Variants in SEMA3A observed in about 807,000 individuals in gnomAD.
SEMA3A encodes semaphorin-3A.
A neutral mutation model predicts 97.9 loss-of-function variants in SEMA3A; 29 were observed. The observed-to-expected ratio is 0.30, with a 90% CI of 0.22 to 0.40. The LOEUF (loss-of-function observed/expected upper bound fraction) is 0.40, where lower values mean the gene tolerates loss of function less well. SEMA3A is among the 10% of genes least tolerant of loss of function. The pLI is 1.00. For missense variants in SEMA3A, 763 were observed against 951.3 expected (o/e 0.80, Z 2.60); for synonymous variants, 321 against 323.7 (o/e 0.99, Z 0.09).
At chr7:84,108,191 T>C (rs1263635997) in intron 4 of SEMA3A, among the ~76,000 whole-genome samples, 1 of 152,142 alleles carries the variant, frequency 6.6e-6, no homozygotes, top group African/African-American at 2.4e-5. Context: ...TCCTTACAAA[T>C]TTCTAGCTTA....
intron 1 of SEMA3A, among the ~76,000 whole-genome samples, chr7:84,137,809 G>C (rs962633153): frequency 6.6e-6 from 1 of 151,170 alleles, no homozygotes; most frequent in Admixed American, 6.6e-5. Context: ...CAAATGCATA[G>C]AAACTACATA....
At chr7:84,047,972 C>T (rs556418560) in intron 5 of SEMA3A, among the ~76,000 whole-genome samples, 26 of 151,830 alleles carry the variant, frequency 1.7e-4, no homozygotes, top group Non-Finnish European at 3.2e-4. Flanking sequence ...TGGAGAAAAG[C>T]GACACAGAGA....
At chr7:84,239,368 T>C (rs928313535) in intron 3 of SEMA3A, among the ~76,000 whole-genome samples, 30 of 152,278 alleles carry the variant, frequency 2.0e-4, no homozygotes, top group African/African-American at 7.0e-4. Context: ...CCATGGGCAA[T>C]TGTACTCACT....
At chr7:84,055,710 C>T in intron 5 of SEMA3A, among the ~76,000 whole-genome samples, 1 of 152,228 alleles carries the variant, frequency 6.6e-6, no homozygotes, top group Non-Finnish European at 1.5e-5. Context: ...TGTTCCTATT[C>T]AGCCATCTTG....
chr7:84,477,249 C>G (rs1351697302), intron 1 of SEMA3A, among the ~76,000 whole-genome samples: 1 of 150,056 alleles, frequency 6.7e-6, no homozygotes, highest in Non-Finnish European at 1.5e-5. Context: ...CCAGCCTGTC[C>G]AATATGGTGA....
chr7:84,341,434 A>T (rs1370444515), intron 2 of SEMA3A, among the ~76,000 whole-genome samples: 1 of 151,950 alleles, frequency 6.6e-6, no homozygotes, highest in Non-Finnish European at 1.5e-5. Context: ...CATTAAGATA[A>T]TTTTTTTCTA....
At chr7:84,470,307 T>A (rs1337209172) in intron 1 of SEMA3A, among the ~76,000 whole-genome samples, 1 of 152,146 alleles carries the variant, frequency 6.6e-6, no homozygotes, top group Non-Finnish European at 1.5e-5. Flanking sequence ...AACCTCATTT[T>A]TATTTTCTAT....
chr7:84,281,972 C>A (rs1800449488), intron 3 of SEMA3A, among the ~76,000 whole-genome samples: 1 of 152,052 alleles, frequency 6.6e-6, no homozygotes, highest in Non-Finnish European at 1.5e-5. Flanking sequence ...ACAGAAATTG[C>A]CATTTATCTG....
intron 3 of SEMA3A, among the ~76,000 whole-genome samples, chr7:84,287,492 A>G (rs1800620729): frequency 6.6e-6 from 1 of 152,182 alleles, no homozygotes; most frequent in Non-Finnish European, 1.5e-5. Flanking sequence ...GATAAACTGT[A>G]TACCTCAGTC....
At chr7:84,282,894 A>T (rs1800479960) in intron 3 of SEMA3A, among the ~76,000 whole-genome samples, 1 of 151,976 alleles carries the variant, frequency 6.6e-6, no homozygotes, top group African/African-American at 2.4e-5. Flanking sequence ...GGCACCTGTA[A>T]TCCAGGCTAC....
chr7:84,444,969 G>T (rs1002053122), intron 1 of SEMA3A, among the ~76,000 whole-genome samples: 1 of 151,940 alleles, frequency 6.6e-6, no homozygotes, highest in East Asian at 1.9e-4. Flanking sequence ...GTTTGCTCTT[G>T]CTTCAATTTT....
At chr7:84,465,641 T>G (rs1307676400) in intron 1 of SEMA3A, among the ~76,000 whole-genome samples, 1 of 152,184 alleles carries the variant, frequency 6.6e-6, no homozygotes, top group Non-Finnish European at 1.5e-5. Flanking sequence ...AATAAAATAC[T>G]TGATTTATCT....
At chr7:83,980,478 G>A (rs1246905934) in intron 14 of SEMA3A, among the ~76,000 whole-genome samples, 5 of 150,670 alleles carry the variant, frequency 3.3e-5, no homozygotes, top group Non-Finnish European at 5.9e-5. Flanking sequence ...GGTGGTGCAC[G>A]CCTGTAGTCC....
At chr7:84,325,749 T>C (rs1286220879) in intron 2 of SEMA3A, among the ~76,000 whole-genome samples, 1 of 152,164 alleles carries the variant, frequency 6.6e-6, no homozygotes, top group Non-Finnish European at 1.5e-5. Flanking sequence ...AAAGATTGAA[T>C]ATATTCAAGG....
At chr7:84,132,659 G>GTTT in intron 2 of SEMA3A, among the ~76,000 whole-genome samples, 1 of 129,410 alleles carries the variant, frequency 7.7e-6, no homozygotes, top group Non-Finnish European at 1.6e-5. Flanking sequence ...TCATCGACTT[G>GTTT]GTGTTTTTTT....
chr7:84,317,007 T>C (rs181051391), intron 2 of SEMA3A, among the ~76,000 whole-genome samples: 11 of 152,228 alleles, frequency 7.2e-5, no homozygotes, highest in African/African-American at 2.4e-4. Context: ...AATTATACTA[T>C]TAGCTGGTAC....
intron 1 of SEMA3A, among the ~76,000 whole-genome samples, chr7:84,135,950 A>T (rs574240948): frequency 7.9e-5 from 12 of 152,190 alleles, no homozygotes; most frequent in Non-Finnish European, 1.6e-4. Flanking sequence ...TACTTTAGTG[A>T]CAGGAACACT....
At chr7:84,183,248 G>A (rs747904267) in intron 1 of SEMA3A, among the ~76,000 whole-genome samples, 2 of 152,158 alleles carry the variant, frequency 1.3e-5, no homozygotes, top group East Asian at 3.9e-4. Context: ...CCTAGAAAGC[G>A]TCAGAGCCTA....
chr7:84,356,904 T>C (rs1175644618), intron 2 of SEMA3A, among the ~76,000 whole-genome samples: 1 of 151,668 alleles, frequency 6.6e-6, no homozygotes. Context: ...TATTTAAGTT[T>C]TTACTATTTT....
Sources: allele counts gnomAD v4.1 joint callset (sites outside exome capture counted in the v4.1 genomes callset), GRCh38; gene constraint gnomAD v4.1.1; transcripts MANE v1.5; gene names NCBI Gene and HGNC (gene_info 2026-07-23, HGNC 2026-07-21).